Variants in DCAF5 observed in about 807,000 individuals in gnomAD.
DCAF5 encodes the protein DDB1 and CUL4 associated factor 5, also known as DDB1- and CUL4-associated factor 5.
A neutral mutation model predicts 80.7 loss-of-function variants in DCAF5; 9 were observed. That is an observed-to-expected ratio of 0.11 (90% CI 0.07 to 0.19). DCAF5 has a LOEUF of 0.19. Ranked by LOEUF, DCAF5 falls within the 10% of genes least tolerant of loss-of-function variation. DCAF5 has a pLI of 1.00. For missense variants in DCAF5, 842 were observed against 1,205.7 expected, an observed-to-expected ratio of 0.70 and a Z score of 4.47; for synonymous variants, 433 against 461.9, an observed-to-expected ratio of 0.94 and a Z score of 0.80.
At position 69,055,201 on chromosome 14, in the gene DCAF5, G is replaced by A; in HGVS notation, c.1485C>T (p.Ala495=). The A allele has an allele frequency of 6.2e-7, 1 of 1,614,228 alleles. No homozygotes were observed. The highest frequency in any genetic ancestry group is 8.5e-7 in the Non-Finnish European group (1 of 1,180,052). The change falls in exon 9 of 9, where the codon GCC becomes GCT. Residue 495 remains alanine (A), a synonymous_variant. Transcript: ENST00000341516. The surrounding 1 kb of genome is among the most constrained non-coding windows in gnomAD (Gnocchi z 5.6). ...CACACGTGGGTGTTGGTGGAGTTGAGGCTACTGTGTTTGTGGTGGTGACCC... is the reference window on the plus strand; with the variant it reads ...CACACGTGGGTGTTGGTGGAGTTGAAGCTACTGTGTTTGTGGTGGTGACCC... ...PLRVTTTNTV[A]STPPTPTCED...
intron 3 of DCAF5, 88 bp downstream of exon 3, chr14:69,119,105 AC>A (rs2040628140): frequency 7.3e-7 from 1 of 1,372,230 alleles, no homozygotes; most frequent in Non-Finnish European, 9.8e-7. Context: ...TTTTCAAAAA[AC>A]AAAAACTATT....
intron 8 of DCAF5, among the ~76,000 whole-genome samples, chr14:69,056,341 A>T (rs1230222650): frequency 6.6e-6 from 1 of 152,198 alleles, no homozygotes; most frequent in African/African-American, 2.4e-5. Context: ...AAGGACAGGT[A>T]ACTGCAGCCC....
Position 69,152,715 on chromosome 14 carries a change from A to T in DCAF5, c.214+50T>A, listed in dbSNP as rs1401794219. 7.9e-7 allele frequency: 1 copy of T among 1,271,636 alleles called. No individual in the cohort carries two copies. The highest frequency in any genetic ancestry group is 2.3e-5 in the African/African-American group (1 of 43,858). 78.8% of individuals were successfully genotyped at this position (1,271,636 alleles called of 1,614,324 possible). A position where few individuals can be genotyped will look rare whatever the true frequency, so the allele number is the denominator to read the frequency against. On this transcript the variant is annotated intron_variant, in intron 1 of 8. Coordinates refer to ENST00000341516, the MANE Select transcript of DCAF5 (RefSeq NM_003861.3). This position sits in a 1 kb window ranked among gnomAD's most constrained non-coding sequence, Gnocchi z 4.1. ...GGTGACGGGGGAGAGCGAGAGGGGG[A>T]GGCTGGGAGGGTGCGGGGAGGCGCG...
In DCAF5 at chr14:69,152,580, G is replaced by C. The variant is rs1052941759; in HGVS notation, c.214+185C>G. 1.7e-6 allele frequency: 1 copy of C among 595,376 alleles called. No homozygotes were observed. 36.9% of individuals were successfully genotyped at this position (595,376 alleles called of 1,614,324 possible). A position where few individuals can be genotyped will look rare whatever the true frequency, so the allele number is the denominator to read the frequency against. ...ACCATTTTAGGTCTTTTTTATAGAA[G>C]ACATCCTCTCCTTCCCCTCCCCCTG... On this transcript the variant is annotated intron_variant, in intron 1 of 8. Coordinates refer to ENST00000341516, the MANE Select transcript of DCAF5 (RefSeq NM_003861.3). This position sits in a 1 kb window ranked among gnomAD's most constrained non-coding sequence, Gnocchi z 4.1.
chr14:69,099,928 T>TA (rs539316232), intron 5 of DCAF5, among the ~76,000 whole-genome samples: 16 of 147,452 alleles, frequency 1.1e-4, no homozygotes, highest in South Asian at 4.3e-4. Context: ...AAAATAACAT[T>TA]AAAAAAAAAA....
At chr14:69,143,959 T>C (rs1288778733) in intron 1 of DCAF5, 2 of 152,626 alleles carry the variant, frequency 1.3e-5, no homozygotes, top group African/African-American at 4.8e-5. Flanking sequence ...CCGCCATATT[T>C]CACTTCATTT....
chr14:69,150,725 AAAAAAAAAAAGTTT>A (rs1303096884), intron 1 of DCAF5, among the ~76,000 whole-genome samples: 1 of 151,292 alleles, frequency 6.6e-6, no homozygotes, highest in Non-Finnish European at 1.5e-5. Context: ...ACCTCTACAA[AAAAAAAAAAAGTTT>A]AAATTACCTG....
Position 69,142,327 on chromosome 14 carries a change from T to C in DCAF5, c.214+10438A>G, listed in dbSNP as rs191186600. Reference sequence around the variant, plus strand: ...GCATGGGAAGATCAGGTAACTAAAGTGACAAACTACTACTGTCAAGTCTTT... The same window carrying C: ...GCATGGGAAGATCAGGTAACTAAAGCGACAAACTACTACTGTCAAGTCTTT... On this transcript the variant is annotated intron_variant, in intron 1 of 8. Coordinates refer to ENST00000341516, the MANE Select transcript of DCAF5 (RefSeq NM_003861.3). Among the ~76,000 whole-genome samples, 1,087 of 152,170 alleles carry C rather than the reference T, an allele frequency of 7.1e-3. 6 individuals carry two copies. The highest frequency in any genetic ancestry group is 0.012 in the Non-Finnish European group (812 of 68,010).
At chr14:69,114,771 A>G (rs1330242028) in intron 5 of DCAF5, among the ~76,000 whole-genome samples, 3 of 152,216 alleles carry the variant, frequency 2.0e-5, no homozygotes, top group East Asian at 1.9e-4. Flanking sequence ...TCTTTTAACA[A>G]GAAAGAAACT....
intron 6 of DCAF5, chr14:69,089,501 C>G (rs1417388632): frequency 6.6e-6 from 1 of 152,166 alleles, no homozygotes; most frequent in South Asian, 2.1e-4. Context: ...CCATAAAACT[C>G]TTCCCATAGG....
intron 3 of DCAF5, 63 bp downstream of exon 3, chr14:69,119,131 T>C: frequency 6.5e-7 from 1 of 1,534,762 alleles, no homozygotes; most frequent in South Asian, 1.2e-5. Flanking sequence ...TCTAAAGAGA[T>C]ATTTGCCTCT....
At chr14:69,106,067 T>G (rs1265370771) in intron 5 of DCAF5, among the ~76,000 whole-genome samples, 2 of 151,364 alleles carry the variant, frequency 1.3e-5, no homozygotes, top group Non-Finnish European at 2.9e-5. Context: ...TTGTGTTGCT[T>G]TTTTTGAGAC....
At chr14:69,098,213 C>T (rs1392948630) in intron 5 of DCAF5, among the ~76,000 whole-genome samples, 1 of 152,206 alleles carries the variant, frequency 6.6e-6, no homozygotes, top group Admixed American at 6.5e-5. Flanking sequence ...AGGCATGCTT[C>T]TGCTGCAGAG....
intron 6 of DCAF5, chr14:69,085,162 T>C: frequency 1.3e-6 from 1 of 746,042 alleles, no homozygotes; most frequent in Non-Finnish European, 2.5e-6. Context: ...TCCCATTCTC[T>C]GAAACAGATC....
intron 1 of DCAF5, among the ~76,000 whole-genome samples, chr14:69,133,723 T>C (rs79378462): frequency 0.011 from 1,688 of 152,284 alleles, 33 homozygotes; most frequent in African/African-American, 0.038. Context: ...CTACCTATTA[T>C]CTCATTTTTC....
At chr14:69,091,454 C>T (rs1430095533) in intron 6 of DCAF5, among the ~76,000 whole-genome samples, 5 of 152,232 alleles carry the variant, frequency 3.3e-5, no homozygotes, top group East Asian at 1.9e-4. Context: ...AGAACCATAT[C>T]GTGGCCAGCC....
chr14:69,054,318 C>A lies in DCAF5; in HGVS notation c.2368G>T (p.Glu790Ter). 6.2e-7 allele frequency: 1 copy of A among 1,614,198 alleles called. No homozygotes were observed. The change falls in exon 9 of 9, where the codon GAG becomes TAG. Residue 790 changes from glutamate to a stop codon, truncating the protein, a stop_gained. Coordinates refer to ENST00000341516, the MANE Select transcript of DCAF5 (RefSeq NM_003861.3). LOFTEE classifies it high-confidence loss of function. ...LNGKALSSRA[E>*]EPPSPPVPKA... ...GGGACAGGAGGAGAAGGCGGCTCCT[C>A]AGCCCGACTGCTCAGGGCCTTTCCA...
At chr14:69,070,342 G>A (rs1217126280) in intron 7 of DCAF5, among the ~76,000 whole-genome samples, 2 of 152,114 alleles carry the variant, frequency 1.3e-5, no homozygotes, top group African/African-American at 4.8e-5. Flanking sequence ...AAAATGCTTT[G>A]GAAATGATGG....
At chr14:69,153,170 TC>T (rs964369696), upstream of DCAF5, 4 of 430,464 alleles carry the variant, frequency 9.3e-6, no homozygotes, top group Middle Eastern at 6.1e-4. Flanking sequence ...TCCCTCTCCT[TC>T]CCCCCGAGGC....
Sources: gnomAD v4.1 joint callset for allele counts (sites outside exome capture counted in the v4.1 genomes callset) on GRCh38, gnomAD v4.1.1 for gene constraint, Gnocchi (gnomAD v3.1) non-coding constraint, MANE v1.5 for transcripts, NCBI Gene and HGNC (gene_info 2026-07-23, HGNC 2026-07-21) for gene names.